The following TENM2 variants were observed in gnomAD, a reference collection of about 807,000 sequenced individuals.
TENM2 encodes the protein teneurin transmembrane protein 2, also known as teneurin-2.
TENM2 carries 52 observed loss-of-function variants against 245.2 expected under a neutral mutation model. The observed-to-expected ratio is 0.21, with a 90% CI of 0.17 to 0.27. The LOEUF (loss-of-function observed/expected upper bound fraction) is 0.27. TENM2 is among the 10% of genes least tolerant of loss of function. TENM2 has a pLI of 1.00. For missense variants in TENM2, 3,046 were observed against 3,666.8 expected (o/e 0.83, Z 4.37); for synonymous variants, 1,363 against 1,438.9 (o/e 0.95, Z 1.19).
chr5:167,431,963 A>ATATATATGTG (rs1764273663), intron 2 of TENM2, among the ~76,000 whole-genome samples: 3 of 137,188 alleles, frequency 2.2e-5, no homozygotes, highest in Admixed American at 7.3e-5. Flanking sequence ...ATATATATGT[A>ATATATATGTG]TATATATATA....
intron 1 of TENM2, among the ~76,000 whole-genome samples, chr5:167,362,109 A>G (rs1759752548): frequency 6.6e-6 from 1 of 152,204 alleles, no homozygotes; most frequent in South Asian, 2.1e-4. Flanking sequence ...AAGGCTTTAC[A>G]TGTATTTGTA....
chr5:167,960,593 G>A (rs535886915), intron 4 of TENM2, among the ~76,000 whole-genome samples: 253 of 152,176 alleles, frequency 1.7e-3, no homozygotes, highest in African/African-American at 5.7e-3. Context: ...TGCTGTGCTG[G>A]CAGCAAGAAT....
At chr5:167,872,528 GAA>G (rs869033637) in intron 2 of TENM2, among the ~76,000 whole-genome samples, 4 of 50,970 alleles carry the variant, frequency 7.8e-5, no homozygotes, top group Non-Finnish European at 1.1e-4. Flanking sequence ...AAGAAAGAAA[GAA>G]AGAAAGAAAG....
chr5:167,913,382 T>C (rs1331478445), intron 3 of TENM2, among the ~76,000 whole-genome samples: 1 of 152,222 alleles, frequency 6.6e-6, no homozygotes, highest in African/African-American at 2.4e-5. Flanking sequence ...GCAAGAAGAA[T>C]AAGTTTAAGT....
intron 2 of TENM2, among the ~76,000 whole-genome samples, chr5:167,763,782 A>C (rs1242049248): frequency 1.3e-5 from 2 of 152,148 alleles, no homozygotes; most frequent in Non-Finnish European, 2.9e-5. Context: ...TTGTCTGTTT[A>C]CTTTAATTAA....
intron 6 of TENM2, among the ~76,000 whole-genome samples, chr5:168,053,562 A>G (rs915531440): frequency 6.6e-6 from 1 of 152,238 alleles, no homozygotes; most frequent in Non-Finnish European, 1.5e-5. Flanking sequence ...TGGAATAATA[A>G]TAATACACAA....
intron 12 of TENM2, among the ~76,000 whole-genome samples, chr5:168,154,134 T>G (rs1159568225): frequency 4.1e-5 from 3 of 73,838 alleles, no homozygotes; most frequent in Non-Finnish European, 8.2e-5. Context: ...TTTCCTCACA[T>G]GATCACCTAC....
At position 167,707,175 on chromosome 5, in the gene TENM2, C is replaced by T. The variant is rs556524207; in HGVS notation, c.503-168811C>T. Among the ~76,000 whole-genome samples, 3 of 152,156 alleles carry T rather than the reference C, an allele frequency of 2.0e-5. No homozygotes were observed. The South Asian group carries it at 6.2e-4, about 32-fold the overall frequency. ...CCATGATGATTAATGATGCTGGGCACCTTGTCATATACCAGTTTTCCATTT... is the reference window on the plus strand; with the variant it reads ...CCATGATGATTAATGATGCTGGGCATCTTGTCATATACCAGTTTTCCATTT... On this transcript the variant is annotated intron_variant, in intron 2 of 28. Coordinates refer to ENST00000518659, the Ensembl canonical transcript of TENM2.
intron 2 of TENM2, among the ~76,000 whole-genome samples, chr5:167,448,039 C>G (rs1275586872): frequency 1.3e-5 from 2 of 152,152 alleles, no homozygotes; most frequent in African/African-American, 4.8e-5. Context: ...GAAAAATGAA[C>G]AGTGGGATAA....
At chr5:168,208,183 C>T (rs1017027300) in intron 19 of TENM2, among the ~76,000 whole-genome samples, 21 of 152,182 alleles carry the variant, frequency 1.4e-4, no homozygotes, top group South Asian at 2.1e-4. Flanking sequence ...GTAAATTATA[C>T]GGGATGGGAC....
the TENM2 span, among the ~76,000 whole-genome samples, chr5:167,175,829 C>T: frequency 2.0e-5 from 3 of 152,190 alleles, no homozygotes; most frequent in Non-Finnish European, 4.4e-5. Context: ...CCTGCCTCAG[C>T]CCCCCGAGTA....
intron 2 of TENM2, among the ~76,000 whole-genome samples, chr5:167,450,971 T>C (rs12652339): frequency 0.23 from 35,318 of 152,046 alleles, 4,437 homozygotes; most frequent in East Asian, 0.29. Flanking sequence ...CTGTACAGTC[T>C]CTTATTTTTT....
chr5:167,566,653 T>C (rs900445725), intron 2 of TENM2, among the ~76,000 whole-genome samples: 3 of 152,200 alleles, frequency 2.0e-5, no homozygotes, highest in Non-Finnish European at 4.4e-5. Flanking sequence ...GTGCAACTTC[T>C]GGTTGGATGC....
At chr5:167,616,432 G>C (rs139550689) in intron 2 of TENM2, among the ~76,000 whole-genome samples, 70 of 152,144 alleles carry the variant, frequency 4.6e-4, no homozygotes, top group African/African-American at 1.7e-3. Context: ...ATTAGATTAG[G>C]AATGGATTAA....
At chr5:167,341,734 A>G (rs909309487) in intron 1 of TENM2, among the ~76,000 whole-genome samples, 3 of 151,920 alleles carry the variant, frequency 2.0e-5, no homozygotes, top group Non-Finnish European at 2.9e-5. Flanking sequence ...ACAAATCGTA[A>G]TCATACATAA....
intron 13 of TENM2, among the ~76,000 whole-genome samples, chr5:168,171,284 A>G (rs1475088764): frequency 1.3e-5 from 2 of 152,228 alleles, no homozygotes; most frequent in Admixed American, 1.3e-4. Flanking sequence ...CAATGAGTCT[A>G]TTTCATCATA....
intron 2 of TENM2, among the ~76,000 whole-genome samples, chr5:167,609,694 A>G (rs893472218): frequency 1.3e-5 from 2 of 152,118 alleles, no homozygotes; most frequent in African/African-American, 4.8e-5. Flanking sequence ...GATCCTTGCT[A>G]TACTTTATTC....
intron 2 of TENM2, among the ~76,000 whole-genome samples, chr5:167,804,109 G>A (rs901920927): frequency 6.6e-6 from 1 of 152,016 alleles, no homozygotes; most frequent in Non-Finnish European, 1.5e-5. Flanking sequence ...TTAAAAATAT[G>A]AAATTCGAAG....
chr5:167,899,181 A>G (rs977370994), intron 3 of TENM2, among the ~76,000 whole-genome samples: 6 of 152,210 alleles, frequency 3.9e-5, no homozygotes, highest in Non-Finnish European at 7.3e-5. Flanking sequence ...CGAACCTCCA[A>G]TAATGCCTGC....
Sources: gnomAD v4.1 joint callset for allele counts (sites outside exome capture counted in the v4.1 genomes callset) on GRCh38, gnomAD v4.1.1 for gene constraint, MANE v1.5 for transcripts, NCBI Gene and HGNC (gene_info 2026-07-23, HGNC 2026-07-21) for gene names.